The following PDE10A variants were observed in gnomAD, a reference collection of about 807,000 sequenced individuals.
The protein encoded by PDE10A is cAMP and cAMP-inhibited cGMP 3',5'-cyclic phosphodiesterase 10A.
Under a neutral mutation model 97.7 loss-of-function variants are expected in PDE10A, and 39 were observed. That is an observed-to-expected ratio of 0.40 (90% confidence interval 0.31 to 0.52). The LOEUF (loss-of-function observed/expected upper bound fraction) is 0.52, where lower values mean the gene tolerates loss of function less well. Ranked by LOEUF, PDE10A falls within the 20% of genes least tolerant of loss-of-function variation. PDE10A has a pLI of 0.56. For synonymous variants in PDE10A, 371 were observed against 376.8 expected, an observed-to-expected ratio of 0.98 and a Z score of 0.18; for missense variants, 731 against 1,047.8, an observed-to-expected ratio of 0.70 and a Z score of 4.17.
At chr6:165,444,298 A>C (rs1790683169) in intron 5 of PDE10A, among the ~76,000 whole-genome samples, 1 of 152,198 alleles carries the variant, frequency 6.6e-6, no homozygotes, top group Non-Finnish European at 1.5e-5. Flanking sequence ...CCCATGAAGA[A>C]TTCTTAGACA....
At chr6:165,731,299 T>C (rs982768771) in intron 1 of PDE10A, among the ~76,000 whole-genome samples, 2 of 151,986 alleles carry the variant, frequency 1.3e-5, no homozygotes, top group African/African-American at 4.8e-5. Flanking sequence ...AAGTGCCCTG[T>C]ATGGGGAAAG....
chr6:165,621,107 A>G (rs1788109710), intron 1 of PDE10A, among the ~76,000 whole-genome samples: 1 of 152,046 alleles, frequency 6.6e-6, no homozygotes, highest in African/African-American at 2.4e-5. Flanking sequence ...CTAATTCTAC[A>G]TGTATTGTCC....
Position 165,643,620 on chromosome 6 carries a change from C to T in PDE10A, c.865+18327G>A, listed in dbSNP as rs79464358. Among the ~76,000 whole-genome samples the T allele has an allele frequency of 9.1e-3, 1,388 of 152,180 alleles. 24 individuals carry two copies. Among genetic ancestry groups the T allele is most frequent in the African/African-American group, 0.032 (1,313 of 41,496 alleles). Reference sequence around the variant, plus strand: ...CAGAAAGACAAATACTGAATGACCTCGCTTATATTTGGAACTTTTAAAAGA... The same window carrying T: ...CAGAAAGACAAATACTGAATGACCTTGCTTATATTTGGAACTTTTAAAAGA... On this transcript the variant is annotated intron_variant, in intron 1 of 21. Coordinates refer to ENST00000539869, the MANE Select transcript of PDE10A (RefSeq NM_001385079.1).
chr6:165,610,203 C>T (rs1787423636), intron 1 of PDE10A, among the ~76,000 whole-genome samples: 1 of 152,072 alleles, frequency 6.6e-6, no homozygotes, highest in African/African-American at 2.4e-5. Context: ...GAAATAATAC[C>T]ACACATCTAC....
chr6:165,485,635 C>T (rs1779870931), intron 2 of PDE10A, among the ~76,000 whole-genome samples: 1 of 150,442 alleles, frequency 6.6e-6, no homozygotes, highest in African/African-American at 2.4e-5. Context: ...TCTTGTTGCC[C>T]AGGCTGGAGT....
At chr6:165,829,156 T>C (rs1305146030) in intron 1 of PDE10A, among the ~76,000 whole-genome samples, 2 of 152,166 alleles carry the variant, frequency 1.3e-5, no homozygotes, top group East Asian at 3.9e-4. Context: ...GTCCTTTTGA[T>C]AGTGGCAGGC....
At chr6:165,821,197 G>C (rs1360278884) in intron 1 of PDE10A, among the ~76,000 whole-genome samples, 12 of 152,200 alleles carry the variant, frequency 7.9e-5, no homozygotes, top group Non-Finnish European at 1.8e-4. Flanking sequence ...CTACAGCTTT[G>C]CACAGTGGAT....
chr6:165,537,583 T>C lies in PDE10A; in HGVS notation c.994+5857A>G, dbSNP rs113258922. ...ATTCATAATTTTAAATTTTAAAATA[T>C]GTAAATACCAAAGATCCATCTTTAT... On this transcript the variant is annotated intron_variant, in intron 2 of 21. Transcript: ENST00000539869. Among the ~76,000 whole-genome samples, 312 of 152,046 alleles carry C rather than the reference T, an allele frequency of 2.1e-3. 1 individual carries two copies. The highest frequency in any genetic ancestry group is 7.0e-3 in the African/African-American group (290 of 41,524).
At chr6:165,468,597 A>G (rs2128268238) in intron 3 of PDE10A, among the ~76,000 whole-genome samples, 1 of 152,338 alleles carries the variant, frequency 6.6e-6, no homozygotes, top group Middle Eastern at 3.4e-3. Flanking sequence ...TAAGGTTTTT[A>G]ACAAATATTT....
intron 10 of PDE10A, among the ~76,000 whole-genome samples, chr6:165,422,612 G>A (rs932078549): frequency 1.3e-5 from 2 of 152,130 alleles, no homozygotes; most frequent in Non-Finnish European, 2.9e-5. Context: ...TATTTACCAA[G>A]TCAAACTAGC....
At chr6:165,797,214 C>T (rs1294288649) in intron 1 of PDE10A, among the ~76,000 whole-genome samples, 3 of 152,196 alleles carry the variant, frequency 2.0e-5, no homozygotes, top group Non-Finnish European at 2.9e-5. Flanking sequence ...ACCAGACATA[C>T]TACTGAGATG....
chr6:165,347,061 C>T (rs965512934), intron 18 of PDE10A, among the ~76,000 whole-genome samples: 1 of 149,560 alleles, frequency 6.7e-6, no homozygotes, highest in Non-Finnish European at 1.5e-5. Context: ...AAACTAGGTT[C>T]AATTCTTTTT....
chr6:165,533,593 C>T (rs1782909728), intron 2 of PDE10A, among the ~76,000 whole-genome samples: 1 of 152,116 alleles, frequency 6.6e-6, no homozygotes, highest in Non-Finnish European at 1.5e-5. Context: ...AATACTTGCT[C>T]ATTGGCATAC....
chr6:165,780,288 A>G (rs139250637), intron 1 of PDE10A: 26 of 152,364 alleles, frequency 1.7e-4, no homozygotes, highest in African/African-American at 5.5e-4. Flanking sequence ...GAACATTTTC[A>G]TATTTAATGA....
At chr6:165,380,945 C>T (rs1784889826) in intron 17 of PDE10A, among the ~76,000 whole-genome samples, 1 of 152,246 alleles carries the variant, frequency 6.6e-6, no homozygotes, top group South Asian at 2.1e-4. Context: ...CATGTTTCAG[C>T]ATGTCTGGCT....
At chr6:165,876,638 G>A (rs958102763) in intron 1 of PDE10A, among the ~76,000 whole-genome samples, 43 of 152,308 alleles carry the variant, frequency 2.8e-4, no homozygotes, top group African/African-American at 9.9e-4. Flanking sequence ...AGTTACCACT[G>A]CATGGAATAT....
At chr6:165,864,019 T>C (rs187917288) in intron 1 of PDE10A, among the ~76,000 whole-genome samples, 35 of 152,306 alleles carry the variant, frequency 2.3e-4, no homozygotes, top group Non-Finnish European at 2.4e-4. Flanking sequence ...CTGGTAAGAC[T>C]GAAATAAATT....
At chr6:165,631,510 TG>T (rs1331500851) in intron 1 of PDE10A, among the ~76,000 whole-genome samples, 2 of 152,210 alleles carry the variant, frequency 1.3e-5, no homozygotes, top group African/African-American at 4.8e-5. Context: ...AAAAGTAAAC[TG>T]TAATCAGTGA....
intron 1 of PDE10A, among the ~76,000 whole-genome samples, chr6:165,986,983 A>G (rs1225130020): frequency 2.0e-5 from 3 of 150,582 alleles, no homozygotes; most frequent in Admixed American, 6.6e-5. Context: ...AGGTGGGGGG[A>G]GAGAAGAGAG....
Sources: allele counts gnomAD v4.1 joint callset (sites outside exome capture counted in the v4.1 genomes callset), GRCh38; gene constraint gnomAD v4.1.1; transcripts MANE v1.5; gene names NCBI Gene and HGNC (gene_info 2026-07-23, HGNC 2026-07-21).